LMLN: variants seen among roughly 807,000 people sequenced by gnomAD.
LMLN encodes the protein leishmanolysin like peptidase.
LMLN carries 70 observed loss-of-function variants against 92.3 expected under a neutral mutation model. The ratio of observed to expected loss-of-function variants is 0.76; its 90% CI spans 0.63 to 0.92. The LOEUF (loss-of-function observed/expected upper bound fraction) is 0.92, where lower values mean the gene tolerates loss of function less well. Among genes scored for constraint, LMLN ranks in the 40% least tolerant of loss-of-function variants. The pLI is 0.00. For synonymous variants in LMLN, 308 were observed against 296.2 expected (o/e 1.04, Z -0.41); for missense variants, 691 against 814.6 (o/e 0.85, Z 1.85).
chr3:197,996,140 C>T (rs773752901), intron 9 of LMLN, 35 bp from the exon 10 acceptor site: 81 of 1,244,788 alleles, frequency 6.5e-5, no homozygotes, highest in Middle Eastern at 4.2e-4. Flanking sequence ...TACTTTTGTA[C>T]CATATTTGTT....
intron 13 of LMLN, 27 bp downstream of exon 14, chr3:198,021,632 T>C (rs1378097933): frequency 1.3e-6 from 2 of 1,585,578 alleles, no homozygotes; most frequent in African/African-American, 1.3e-5. Context: ...AATGAAGTAT[T>C]ATATACATAT....
chr3:197,987,087 G>A (rs374194359), intron 8 of LMLN, among the ~76,000 whole-genome samples: 1 of 150,890 alleles, frequency 6.6e-6, no homozygotes, highest in African/African-American at 2.4e-5. Flanking sequence ...TGATCTGCCC[G>A]CCTCGGCCTC....
At chr3:198,026,859 C>T (rs1387281159) in intron 14 of LMLN, among the ~76,000 whole-genome samples, 1 of 152,048 alleles carries the variant, frequency 6.6e-6, no homozygotes, top group African/African-American at 2.4e-5. Flanking sequence ...AGACTAAGAT[C>T]TGGGTGGTAA....
intron 11 of LMLN, among the ~76,000 whole-genome samples, chr3:198,000,654 G>A (rs115583786): frequency 1.3e-5 from 2 of 151,674 alleles, no homozygotes; most frequent in South Asian, 2.1e-4. Context: ...TCTGGAACTC[G>A]TGACCTCAGG....
At chr3:197,966,442 G>GA (rs1721062959) in intron 1 of LMLN, among the ~76,000 whole-genome samples, 1 of 152,160 alleles carries the variant, frequency 6.6e-6, no homozygotes, top group Non-Finnish European at 1.5e-5. Context: ...ATCTTAGAGG[G>GA]AAAACATTGT....
chr3:198,009,043 A>T (rs1337508490), intron 11 of LMLN, among the ~76,000 whole-genome samples: 1 of 151,898 alleles, frequency 6.6e-6, no homozygotes, highest in Non-Finnish European at 1.5e-5. Context: ...GGTGTGTTTC[A>T]TGGCCCAGAA....
chr3:197,973,310 C>T lies in LMLN; in HGVS notation c.220-1067C>T, dbSNP rs77385602. ...AGGCTGGAGTGCAGTGACAAAATCTCGGCTCACTGCAAGCTCCACCTCCTG... is the reference window on the plus strand; with the variant it reads ...AGGCTGGAGTGCAGTGACAAAATCTTGGCTCACTGCAAGCTCCACCTCCTG... On this transcript the variant is annotated intron_variant, in intron 1 of 15. Coordinates refer to ENST00000330198, the Ensembl canonical transcript of LMLN. 2.0e-4 allele frequency among the ~76,000 whole-genome samples: 31 copies of T among 151,316 alleles called. 1 individual carries two copies. The East Asian group carries it at 5.6e-3, about 27-fold the overall frequency.
chr3:197,967,177 A>T (rs976783572), intron 1 of LMLN, among the ~76,000 whole-genome samples: 1 of 152,178 alleles, frequency 6.6e-6, no homozygotes, highest in African/African-American at 2.4e-5. Context: ...TTTACCAACT[A>T]CCTGCAAGGA....
chr3:197,983,914 A>T (rs372646450), intron 6 of LMLN, 29 bp from the exon 7 acceptor site: 17 of 1,392,044 alleles, frequency 1.2e-5, no homozygotes, highest in Non-Finnish European at 1.7e-5. Context: ...CTGGAATGTA[A>T]TTTAAAAATT....
chr3:197,984,095 C>A, intron 7 of LMLN, 47 bp downstream of exon 7: 1 of 1,205,710 alleles, frequency 8.3e-7, no homozygotes, highest in Non-Finnish European at 1.2e-6. Flanking sequence ...TGATTTTCTG[C>A]TTAGTATGTT....
In LMLN at chr3:198,024,065, T is replaced by G. The variant is rs192839835; in HGVS notation, c.1526-593T>G. ...ATGATTTTATCTTGGTGTCTAGTGA[T>G]CTAACGATTCTTAGTGCTAGTTCTT... is the stretch of plus-strand genomic sequence containing the variant. On this transcript the variant is annotated intron_variant, in intron 13 of 15. Coordinates refer to ENST00000330198, the Ensembl canonical transcript of LMLN. 5.6e-4 allele frequency among the ~76,000 whole-genome samples: 86 copies of G among 152,306 alleles called. 3 individuals carry two copies. In the East Asian group the frequency reaches 9.1e-3, roughly 16 times the overall value.
At chr3:198,024,502 A>C (rs1560154392) in intron 13 of LMLN, among the ~76,000 whole-genome samples, 156 bp from the exon 15 acceptor site, 1 of 152,224 alleles carries the variant, frequency 6.6e-6, no homozygotes, top group East Asian at 1.9e-4. Context: ...GGCGTGAGCC[A>C]CCGTGCCCAG....
intron 9 of LMLN, among the ~76,000 whole-genome samples, chr3:197,994,281 C>T (rs139432895): frequency 6.6e-5 from 10 of 152,234 alleles, no homozygotes; most frequent in East Asian, 5.8e-4. Flanking sequence ...TTACATCAGA[C>T]GCAGAAGCCT....
At chr3:198,041,252 T>C (rs543442876) in exon 16 of LMLN, 3 of 152,142 alleles carry the variant, frequency 2.0e-5, no homozygotes, top group African/African-American at 4.8e-5. Flanking sequence ...ATCTCAAACA[T>C]AGTCAACTTA....
chr3:197,976,482 A>G (rs1257129625), intron 4 of LMLN, 116 bp from the exon 5 acceptor site: 6 of 579,378 alleles, frequency 1.0e-5, no homozygotes, highest in African/African-American at 5.7e-5. Context: ...TCCTGACTAA[A>G]ATAGTAACAT....
chr3:198,025,784 T>C lies in LMLN; in HGVS notation c.1656+996T>C, dbSNP rs1018947273. Among the ~76,000 whole-genome samples, 2 of 152,220 alleles carry C rather than the reference T, an allele frequency of 1.3e-5. No individual in the cohort carries two copies. Among genetic ancestry groups the C allele is most frequent in the African/African-American group, 4.8e-5 (2 of 41,458 alleles). On this transcript the variant is annotated intron_variant, in intron 14 of 15. Coordinates refer to ENST00000330198, the Ensembl canonical transcript of LMLN. The surrounding 1 kb of genome is among the most constrained non-coding windows in gnomAD (Gnocchi z 4.3). The stretch of plus-strand genomic sequence containing the variant: ...TTAGGAGCATCCAATGGAATGAATC[T>C]TCTGCACCCTACAAATGGATGTCAG...
chr3:198,017,818 G>C (rs1029020079), intron 11 of LMLN, among the ~76,000 whole-genome samples: 1 of 152,190 alleles, frequency 6.6e-6, no homozygotes, highest in African/African-American at 2.4e-5. Flanking sequence ...TTGGGAGGCT[G>C]AGGGAGGAGA....
chr3:197,971,591 T>A (rs1220216055), intron 1 of LMLN, among the ~76,000 whole-genome samples: 1 of 152,226 alleles, frequency 6.6e-6, no homozygotes, highest in African/African-American at 2.4e-5. Context: ...GGTTGTTGTT[T>A]GTTTGTTTTT....
At chr3:198,021,130 TG>T (rs1722770555) in intron 12 of LMLN, among the ~76,000 whole-genome samples, 1 of 152,212 alleles carries the variant, frequency 6.6e-6, no homozygotes, top group African/African-American at 2.4e-5. Context: ...TTCTGTGTTT[TG>T]TCAGCTCTTA....
Sources: allele counts gnomAD v4.1 joint callset (sites outside exome capture counted in the v4.1 genomes callset), GRCh38; gene constraint gnomAD v4.1.1; non-coding constraint Gnocchi (gnomAD v3.1); transcripts MANE v1.5; gene names NCBI Gene and HGNC (gene_info 2026-07-23, HGNC 2026-07-21).